TAS2R1: variants seen among roughly 807,000 people sequenced by gnomAD.
TAS2R1 encodes the protein taste receptor type 2 member 1.
For synonymous variants in TAS2R1, 141 were observed against 134.2 expected (o/e 1.05, Z -0.35); for missense variants, 370 against 353.4 (o/e 1.05, Z -0.38).
chr5:9,842,727 A>G, the TAS2R1 span, among the ~76,000 whole-genome samples: 1 of 151,956 alleles, frequency 6.6e-6, no homozygotes, highest in Admixed American at 6.6e-5. Flanking sequence ...CTACTCCTAG[A>G]GTCTAGTTTT....
At chr5:9,715,218 A>G (rs1734783234), upstream of TAS2R1, among the ~76,000 whole-genome samples, 1 of 152,238 alleles carries the variant, frequency 6.6e-6, no homozygotes, top group African/African-American at 2.4e-5. Context: ...AATTTGGGGC[A>G]TATGGAAGCA....
the TAS2R1 span, among the ~76,000 whole-genome samples, chr5:9,784,004 G>A: frequency 6.6e-6 from 1 of 152,146 alleles, no homozygotes; most frequent in South Asian, 2.1e-4. Context: ...ACCTCTCTGT[G>A]CTTCAGTTTT....
the TAS2R1 span, among the ~76,000 whole-genome samples, chr5:9,726,624 G>A: frequency 6.6e-6 from 1 of 152,116 alleles, no homozygotes; most frequent in Non-Finnish European, 1.5e-5. Flanking sequence ...AAGAAACTTC[G>A]AACACATCCA....
chr5:9,781,156 T>C, the TAS2R1 span, among the ~76,000 whole-genome samples: 1 of 152,266 alleles, frequency 6.6e-6, no homozygotes, highest in Non-Finnish European at 1.5e-5. Flanking sequence ...AATTGTTTTG[T>C]GTATCCACTT....
chr5:9,643,093 T>C (rs2126482465), intron 2 of TAS2R1, among the ~76,000 whole-genome samples: 1 of 152,196 alleles, frequency 6.6e-6, no homozygotes, highest in Non-Finnish European at 1.5e-5. Context: ...TTATTGTTTG[T>C]ATTATGAACT....
chr5:9,704,103 A>G (rs1325249742), intron 1 of TAS2R1, among the ~76,000 whole-genome samples: 1 of 152,206 alleles, frequency 6.6e-6, no homozygotes, highest in Non-Finnish European at 1.5e-5. Context: ...GCACTCTGAT[A>G]GGTGAATAAA....
chr5:9,743,411 T>C, the TAS2R1 span, among the ~76,000 whole-genome samples: 21 of 152,172 alleles, frequency 1.4e-4, no homozygotes. Context: ...GTTGGTGTGC[T>C]GCACCCATTA....
chr5:9,716,225 T>G (rs1402455750), upstream of TAS2R1, among the ~76,000 whole-genome samples: 2 of 152,244 alleles, frequency 1.3e-5, no homozygotes, highest in East Asian at 1.9e-4. Context: ...CTGTGCCATT[T>G]TGCAGCAGGG....
chr5:9,674,126 G>T (rs1003251662), intron 1 of TAS2R1, among the ~76,000 whole-genome samples: 4 of 152,122 alleles, frequency 2.6e-5, no homozygotes, highest in Admixed American at 2.0e-4. Flanking sequence ...TACAGAGATT[G>T]AACATAGACA....
chr5:9,644,546 TG>T (rs1338864678), intron 2 of TAS2R1, among the ~76,000 whole-genome samples: 1 of 152,118 alleles, frequency 6.6e-6, no homozygotes, highest in Admixed American at 6.5e-5. Context: ...TGTGTGGACA[TG>T]CTCCTGAGAC....
the TAS2R1 span, among the ~76,000 whole-genome samples, chr5:9,876,507 T>C: frequency 6.6e-6 from 1 of 152,160 alleles, no homozygotes; most frequent in African/African-American, 2.4e-5. Flanking sequence ...ATGAAACATT[T>C]TGTCTAATCC....
chr5:9,802,488 A>T, the TAS2R1 span, among the ~76,000 whole-genome samples: 1 of 152,208 alleles, frequency 6.6e-6, no homozygotes, highest in Non-Finnish European at 1.5e-5. Context: ...AGGAACCAGA[A>T]AAGCAATTCT....
chr5:9,710,687 A>G (rs1258054991), intron 1 of TAS2R1, among the ~76,000 whole-genome samples: 1 of 152,002 alleles, frequency 6.6e-6, no homozygotes, highest in Non-Finnish European at 1.5e-5. Context: ...AAAACAAAAC[A>G]AAAACAATCC....
At chr5:9,681,498 G>T (rs1579781454) in intron 1 of TAS2R1, among the ~76,000 whole-genome samples, 2 of 120,860 alleles carry the variant, frequency 1.7e-5, no homozygotes, top group Admixed American at 1.1e-4. Flanking sequence ...ACTCACACCT[G>T]TTCAACATTT....
the TAS2R1 span, among the ~76,000 whole-genome samples, chr5:9,777,231 AC>A: frequency 6.6e-6 from 1 of 152,238 alleles, no homozygotes; most frequent in African/African-American, 2.4e-5. Context: ...ATAACATTTT[AC>A]CCAGAGAACC....
the TAS2R1 span, among the ~76,000 whole-genome samples, chr5:9,743,744 TCAC>T: frequency 6.6e-6 from 1 of 152,196 alleles, no homozygotes; most frequent in South Asian, 2.1e-4. Flanking sequence ...TTAAGATTTC[TCAC>T]CCAGACTAAG....
At chr5:9,791,201 CAT>C in the TAS2R1 span, among the ~76,000 whole-genome samples, 4 of 152,012 alleles carry the variant, frequency 2.6e-5, no homozygotes, top group Non-Finnish European at 4.4e-5. Context: ...CACACACACA[CAT>C]ACACACACAC....
At chr5:9,869,032 A>G in the TAS2R1 span, among the ~76,000 whole-genome samples, 1 of 152,184 alleles carries the variant, frequency 6.6e-6, no homozygotes, top group Non-Finnish European at 1.5e-5. Flanking sequence ...AAACTTTCCC[A>G]CATCTTCCTG....
At chr5:9,750,630 C>T in the TAS2R1 span, among the ~76,000 whole-genome samples, 5 of 152,182 alleles carry the variant, frequency 3.3e-5, no homozygotes, top group Admixed American at 6.5e-5. Context: ...AAGCAGGTCA[C>T]TTTCTCACTT....
Sources: allele counts gnomAD v4.1 joint callset (sites outside exome capture counted in the v4.1 genomes callset), GRCh38; gene constraint gnomAD v4.1.1; transcripts MANE v1.5; gene names NCBI Gene and HGNC (gene_info 2026-07-23, HGNC 2026-07-21).